PDE1C: variants seen among roughly 807,000 people sequenced by gnomAD.
PDE1C encodes the protein phosphodiesterase 1C.
Under a neutral mutation model 93.1 loss-of-function variants are expected in PDE1C, and 62 were observed. The observed-to-expected ratio is 0.67, with a 90% CI of 0.54 to 0.82. PDE1C has a LOEUF of 0.82. Among genes scored for constraint, PDE1C ranks in the 40% least tolerant of loss-of-function variants. The probability of loss-of-function intolerance (pLI) is 0.00; values close to 1 mark genes in which losing one functional copy is unlikely to be tolerated. For synonymous variants in PDE1C, 325 were observed against 310.1 expected, an observed-to-expected ratio of 1.05 and a Z score of -0.50; for missense variants, 742 against 884.6, an observed-to-expected ratio of 0.84 and a Z score of 2.04.
At chr7:32,304,912 T>A (rs1419224812) in intron 1 of PDE1C, among the ~76,000 whole-genome samples, 1 of 152,200 alleles carries the variant, frequency 6.6e-6, no homozygotes, top group African/African-American at 2.4e-5. Flanking sequence ...ACTAGCATAC[T>A]AGGTCCCTTT....
chr7:31,765,140 G>T (rs986143633), intron 17 of PDE1C, among the ~76,000 whole-genome samples: 3 of 152,064 alleles, frequency 2.0e-5, no homozygotes, highest in East Asian at 1.9e-4. Flanking sequence ...CATATTTTTT[G>T]AGCCTTCTTT....
At chr7:32,427,967 G>A (rs1785571973) in exon 1 of PDE1C, 1 of 152,324 alleles carries the variant, frequency 6.6e-6, no homozygotes, top group Admixed American at 6.5e-5. Context: ...CGGGAGGGGA[G>A]AGTGTCTCCC....
chr7:31,872,878 C>A (rs1330810345), intron 6 of PDE1C, among the ~76,000 whole-genome samples: 2 of 152,050 alleles, frequency 1.3e-5, no homozygotes, highest in African/African-American at 4.8e-5. Context: ...TCTGAATGAG[C>A]CAAGTGGTGG....
At chr7:32,292,936 A>C (rs556513368) in intron 1 of PDE1C, among the ~76,000 whole-genome samples, 3 of 152,330 alleles carry the variant, frequency 2.0e-5, no homozygotes, top group African/African-American at 7.2e-5. Context: ...CAGTGTGCCC[A>C]GTACCCACTT....
rs370327192 is a variant in PDE1C at position 32,357,658 on chromosome 7, GC to G, written c.310+70163del. Among the ~76,000 whole-genome samples the G allele has an allele frequency of 1.6e-3, 240 of 152,286 alleles. 1 individual carries two copies. Among genetic ancestry groups the G allele is most frequent in the African/African-American group, 4.8e-3 (198 of 41,550 alleles). ...AGATCCCTCAAACTCACTGTAACAA[GC>G]CCCCGTTCTGTTTCCCTACCTGGAG... On this transcript the variant is annotated intron_variant, in intron 1 of 1. Coordinates refer to the PDE1C transcript ENST00000672256.
chr7:32,150,732 A>G (rs1801191538), intron 3 of PDE1C, among the ~76,000 whole-genome samples: 1 of 152,182 alleles, frequency 6.6e-6, no homozygotes, highest in Non-Finnish European at 1.5e-5. Flanking sequence ...CCAGACCCAT[A>G]CTAAGAACCA....
At chr7:32,298,960 C>A in exon 1 of PDE1C, 12 of 1,303,606 alleles carry the variant, frequency 9.2e-6, no homozygotes, top group Non-Finnish European at 1.2e-5. Context: ...CAGGAGCCGT[C>A]GCGACTGCCC....
intron 11 of PDE1C, among the ~76,000 whole-genome samples, chr7:31,833,444 G>A (rs1019978026): frequency 6.6e-6 from 1 of 152,196 alleles, no homozygotes; most frequent in Non-Finnish European, 1.5e-5. Flanking sequence ...AGTTTGGAGA[G>A]CTCAGAAGAA....
chr7:31,841,889 A>T (rs184017566), intron 9 of PDE1C, among the ~76,000 whole-genome samples: 1 of 152,248 alleles, frequency 6.6e-6, no homozygotes, highest in Non-Finnish European at 1.5e-5. Context: ...ACAGCTCAAG[A>T]CCCAGGAGGA....
At chr7:32,161,699 CAT>C (rs1394590609) in intron 3 of PDE1C, among the ~76,000 whole-genome samples, 2 of 152,146 alleles carry the variant, frequency 1.3e-5, no homozygotes, top group South Asian at 2.1e-4. Context: ...AATTAGGAAA[CAT>C]AGAGAAGTTT....
At chr7:32,102,327 A>T (rs73100639) in intron 3 of PDE1C, among the ~76,000 whole-genome samples, 30,950 of 152,148 alleles carry the variant, frequency 0.2, 3,803 homozygotes, top group Middle Eastern at 0.3. Context: ...CTCAAAGAAC[A>T]TCATCCAGAG....
At chr7:31,847,048 C>A (rs915658604) in intron 9 of PDE1C, among the ~76,000 whole-genome samples, 2 of 152,112 alleles carry the variant, frequency 1.3e-5, no homozygotes, top group East Asian at 3.9e-4. Context: ...ATTTGAGTCA[C>A]AACGGATTCA....
intron 3 of PDE1C, among the ~76,000 whole-genome samples, chr7:32,087,474 C>G (rs1026634256): frequency 6.6e-6 from 1 of 152,052 alleles, no homozygotes; most frequent in East Asian, 1.9e-4. Flanking sequence ...CTAGAAATAC[C>G]ATTTGACCCA....
intron 16 of PDE1C, among the ~76,000 whole-genome samples, chr7:31,798,067 T>C (rs922394659): frequency 1.3e-5 from 2 of 151,784 alleles, no homozygotes; most frequent in African/African-American, 4.8e-5. Flanking sequence ...TCCCCTTACA[T>C]GTTCAGTTCA....
chr7:32,171,467 A>T (rs1234291876), intron 2 of PDE1C, among the ~76,000 whole-genome samples: 1 of 150,446 alleles, frequency 6.6e-6, no homozygotes, highest in Non-Finnish European at 1.5e-5. Context: ...TAAATAATAC[A>T]ATAACTATTT....
At chr7:31,738,754 G>A in the PDE1C span, among the ~76,000 whole-genome samples, 3 of 152,304 alleles carry the variant, frequency 2.0e-5, no homozygotes, top group African/African-American at 4.8e-5. Flanking sequence ...GGAAGACCTG[G>A]GTTGGAACAG....
intron 1 of PDE1C, among the ~76,000 whole-genome samples, chr7:32,244,937 G>A (rs1300526141): frequency 1.3e-5 from 2 of 152,158 alleles, no homozygotes; most frequent in Non-Finnish European, 2.9e-5. Context: ...TGCTCAAACC[G>A]TGTCAGCTCC....
intron 1 of PDE1C, among the ~76,000 whole-genome samples, chr7:32,222,676 C>T (rs967255687): frequency 3.9e-5 from 6 of 152,208 alleles, no homozygotes; most frequent in African/African-American, 1.4e-4. Context: ...TTGGCAGGGA[C>T]TAGTTCTCCA....
At chr7:32,355,207 G>A (rs114694681) in intron 1 of PDE1C, among the ~76,000 whole-genome samples, 104 of 152,306 alleles carry the variant, frequency 6.8e-4, no homozygotes, top group African/African-American at 2.3e-3. Flanking sequence ...GTCAATCTCC[G>A]CGAACATGAA....
Sources: allele counts gnomAD v4.1 joint callset (sites outside exome capture counted in the v4.1 genomes callset), GRCh38; gene constraint gnomAD v4.1.1; transcripts MANE v1.5; gene names NCBI Gene and HGNC (gene_info 2026-07-23, HGNC 2026-07-21).